The following CSMD1 variants were observed in gnomAD, a reference collection of about 807,000 sequenced individuals.
CSMD1 encodes the protein CUB and Sushi multiple domains 1.
In CSMD1, 213 loss-of-function variants were observed where a neutral mutation model predicts 417.5. The observed-to-expected ratio is 0.51, with a 90% CI of 0.46 to 0.57. The LOEUF is 0.57. CSMD1 is among the 20% of genes least tolerant of loss of function. The pLI is 0.00. For synonymous variants in CSMD1, 2,862 were observed against 1,736.8 expected, an observed-to-expected ratio of 1.65 and a Z score of -16.11; for missense variants, 6,923 against 4,529.7, an observed-to-expected ratio of 1.53 and a Z score of -15.17.
chr8:4,363,136 A>C (rs1321993348), intron 3 of CSMD1, among the ~76,000 whole-genome samples: 2 of 152,222 alleles, frequency 1.3e-5, no homozygotes, highest in East Asian at 3.8e-4. Context: ...CAGAGTAAAT[A>C]ATAGGTGAGA....
At chr8:3,639,528 A>G (rs1369614205) in intron 7 of CSMD1, among the ~76,000 whole-genome samples, 1 of 152,200 alleles carries the variant, frequency 6.6e-6, no homozygotes, top group Non-Finnish European at 1.5e-5. Flanking sequence ...AGATAACATA[A>G]TAGGATGGAT....
intron 10 of CSMD1, among the ~76,000 whole-genome samples, chr8:3,512,238 G>A (rs1797105110): frequency 1.3e-5 from 2 of 152,232 alleles, no homozygotes; most frequent in Admixed American, 1.3e-4. Context: ...TCCACGTGCA[G>A]AACCATGCTG....
chr8:2,976,090 G>C (rs981013276), intron 55 of CSMD1, among the ~76,000 whole-genome samples: 2 of 152,052 alleles, frequency 1.3e-5, no homozygotes, highest in Non-Finnish European at 2.9e-5. Flanking sequence ...TGCATTTTTT[G>C]TTAAATAAGG....
chr8:4,844,504 C>T (rs534249025), intron 1 of CSMD1, among the ~76,000 whole-genome samples: 19 of 152,192 alleles, frequency 1.2e-4, no homozygotes, highest in African/African-American at 3.9e-4. Context: ...CACTCTTGGC[C>T]GCGTCAAGGT....
At chr8:2,982,914 A>G (rs2128940840) in intron 54 of CSMD1, among the ~76,000 whole-genome samples, 1 of 152,272 alleles carries the variant, frequency 6.6e-6, no homozygotes, top group East Asian at 1.9e-4. Context: ...CTTGGCTCTA[A>G]GCTGAAGGGC....
intron 3 of CSMD1, among the ~76,000 whole-genome samples, chr8:4,125,918 A>C (rs1802737870): frequency 6.6e-6 from 1 of 152,208 alleles, no homozygotes; most frequent in Admixed American, 6.5e-5. Context: ...TGGCTCCAAG[A>C]GTATGAACCT....
intron 3 of CSMD1, among the ~76,000 whole-genome samples, chr8:4,182,167 T>G (rs73658440): frequency 6.6e-6 from 1 of 152,032 alleles, no homozygotes; most frequent in African/African-American, 2.4e-5. Context: ...ACCAACAAAA[T>G]AGACCTATTA....
At chr8:3,857,987 G>C (rs1034373935) in intron 5 of CSMD1, among the ~76,000 whole-genome samples, 15 of 152,298 alleles carry the variant, frequency 9.8e-5, no homozygotes, top group Middle Eastern at 3.4e-3. Context: ...GTTCGGCATG[G>C]TGCGGTCTCT....
intron 5 of CSMD1, among the ~76,000 whole-genome samples, chr8:3,992,489 G>C (rs1377155578): frequency 1.3e-5 from 2 of 152,208 alleles, no homozygotes; most frequent in African/African-American, 2.4e-5. Context: ...CCAAATTTAA[G>C]ATAGAAAATA....
At chr8:3,286,416 T>A (rs1003474323) in intron 25 of CSMD1, among the ~76,000 whole-genome samples, 3 of 152,168 alleles carry the variant, frequency 2.0e-5, no homozygotes, top group Admixed American at 1.3e-4. Flanking sequence ...ACTTCCACAA[T>A]GGTTGAACTA....
intron 11 of CSMD1, among the ~76,000 whole-genome samples, chr8:3,473,371 T>C (rs1363825353): frequency 6.6e-6 from 1 of 152,178 alleles, no homozygotes; most frequent in Non-Finnish European, 1.5e-5. Flanking sequence ...AATTACAGCT[T>C]ATTATAGTTA....
At chr8:3,566,790 G>A (rs919121881) in intron 10 of CSMD1, among the ~76,000 whole-genome samples, 1 of 152,212 alleles carries the variant, frequency 6.6e-6, no homozygotes, top group Non-Finnish European at 1.5e-5. Flanking sequence ...AGATGCTGGT[G>A]AGGTTGTGGA....
intron 52 of CSMD1, among the ~76,000 whole-genome samples, chr8:3,008,306 T>C (rs1808115013): frequency 1.3e-5 from 2 of 152,304 alleles, no homozygotes; most frequent in South Asian, 4.1e-4. Flanking sequence ...CAGTTGAGTC[T>C]GAGGTTCATT....
intron 3 of CSMD1, among the ~76,000 whole-genome samples, chr8:4,150,171 G>C (rs532313325): frequency 2.0e-5 from 3 of 152,154 alleles, no homozygotes; most frequent in South Asian, 2.1e-4. Context: ...CAAAATCCAG[G>C]TATGTCCTGA....
At chr8:3,838,804 TAATA>T (rs1287588654) in intron 5 of CSMD1, among the ~76,000 whole-genome samples, 3 of 104,708 alleles carry the variant, frequency 2.9e-5, no homozygotes, top group African/African-American at 1.3e-4. Context: ...GTATAATATA[TAATA>T]ATTATATATA....
At chr8:3,793,886 A>G (rs1478320949) in intron 5 of CSMD1, among the ~76,000 whole-genome samples, 1 of 152,164 alleles carries the variant, frequency 6.6e-6, no homozygotes, top group Non-Finnish European at 1.5e-5. Context: ...ACCATTTGTC[A>G]AATCGCAGAG....
At chr8:4,854,337 T>A (rs1036457958) in intron 1 of CSMD1, among the ~76,000 whole-genome samples, 1 of 152,206 alleles carries the variant, frequency 6.6e-6, no homozygotes, top group Non-Finnish European at 1.5e-5. Flanking sequence ...AATGGCTTCC[T>A]GCTGTCCTCA....
chr8:3,870,067 C>G (rs933482125), intron 5 of CSMD1, among the ~76,000 whole-genome samples: 1 of 152,124 alleles, frequency 6.6e-6, no homozygotes, highest in African/African-American at 2.4e-5. Flanking sequence ...AGCATACCCT[C>G]TGGGTATAAT....
At chr8:4,832,569 G>A (rs1038870971) in intron 1 of CSMD1, among the ~76,000 whole-genome samples, 3 of 152,158 alleles carry the variant, frequency 2.0e-5, no homozygotes, top group African/African-American at 7.2e-5. Flanking sequence ...GAAATGATTG[G>A]TTGTCTGCTT....
Sources: allele counts gnomAD v4.1 joint callset (sites outside exome capture counted in the v4.1 genomes callset), GRCh38; gene constraint gnomAD v4.1.1; transcripts MANE v1.5; gene names NCBI Gene and HGNC (gene_info 2026-07-23, HGNC 2026-07-21).